The following NHS variants were observed in gnomAD, a reference collection of about 807,000 sequenced individuals.
The protein encoded by NHS is NHS actin remodeling regulator.
NHS carries 5 observed loss-of-function variants against 72.5 expected under a neutral mutation model. That is an observed-to-expected ratio of 0.07 (90% CI 0.04 to 0.14). NHS has a LOEUF of 0.14. NHS is among the 10% of genes least tolerant of loss of function. NHS has a pLI of 1.00. For synonymous variants in NHS, 464 were observed against 547.7 expected, an observed-to-expected ratio of 0.85 and a Z score of 2.13; for missense variants, 1,072 against 1,355.7, an observed-to-expected ratio of 0.79 and a Z score of 3.29.
Position 17,727,307 on chromosome X carries a change from T to C in NHS, c.3201T>C (p.Ser1067=), listed in dbSNP as rs56908561. 6,670 of 1,210,146 alleles carry C rather than the reference T, an allele frequency of 5.5e-3. 198 individuals are homozygous for C. The African/African-American group carries it at 0.092, about 17-fold the overall frequency. Residue 1067 remains serine, a synonymous_variant, in exon 7 of 9, where the codon TCT becomes TCC. Coordinates refer to ENST00000676302, the MANE Select transcript of NHS (RefSeq NM_001291867.2). ...GAAAATCCTCACTACAGCAACCCTC[T>C]TTAAAAGATGGAACTATATCACTGA... ...PERKSSLQQP[S]LKDGTISLSK... is the part of the protein sequence containing the mutation.
intron 1 of NHS, among the ~76,000 whole-genome samples, chrX:17,511,753 CCTTGGATCTTACCA>C (rs2065089337): frequency 9.0e-6 from 1 of 111,556 alleles, no homozygotes; most frequent in Admixed American, 9.5e-5. Flanking sequence ...GACTCGTATC[CCTTGGATCTTACCA>C]CTTCAGTGTG....
At chrX:17,667,717 G>A (rs1472447963) in intron 1 of NHS, among the ~76,000 whole-genome samples, 2 of 111,392 alleles carry the variant, frequency 1.8e-5, no homozygotes, top group Non-Finnish European at 3.8e-5. Context: ...TTGGCCTAAG[G>A]CGAGTTCTCA....
intron 1 of NHS, among the ~76,000 whole-genome samples, chrX:17,477,286 A>G (rs2064924310): frequency 8.9e-6 from 1 of 111,749 alleles, no homozygotes; most frequent in Non-Finnish European, 1.9e-5. Flanking sequence ...AGTCATGTGG[A>G]TATCTGAAGA....
At chrX:17,552,713 A>G (rs2065342925) in intron 1 of NHS, among the ~76,000 whole-genome samples, 1 of 112,055 alleles carries the variant, frequency 8.9e-6, no homozygotes, top group Non-Finnish European at 1.9e-5. Flanking sequence ...AAGAATCGGA[A>G]GGCAGAGCGA....
chrX:17,615,172 C>CGTATATATGT (rs1284390684), intron 1 of NHS, among the ~76,000 whole-genome samples: 8 of 39,116 alleles, frequency 2.0e-4, no homozygotes, highest in Non-Finnish European at 3.8e-4. Context: ...TATATATATA[C>CGTATATATGT]GTATATATAT....
At chrX:17,455,683 C>A (rs1019215077) in intron 1 of NHS, among the ~76,000 whole-genome samples, 2 of 111,973 alleles carry the variant, frequency 1.8e-5, no homozygotes, top group Admixed American at 9.4e-5. Context: ...AGAATAAATA[C>A]CAGAGGATGG....
chrX:17,579,626 C>T (rs1160939772), intron 1 of NHS, among the ~76,000 whole-genome samples: 1 of 111,439 alleles, frequency 9.0e-6, no homozygotes, highest in Non-Finnish European at 1.9e-5. Flanking sequence ...CCCCTCTTTA[C>T]GCAGGCATAG....
At chrX:17,692,233 CTTT>C (rs11347866) in intron 2 of NHS, 99 bp from the exon 3 acceptor site, 330 of 887,142 alleles carry the variant, frequency 3.7e-4, no homozygotes, top group Admixed American at 2.5e-3. Context: ...TGAAAACTCA[CTTT>C]TTTTTTTTTT....
At chrX:17,402,297 CACTCCTAAATATAT>C (rs2064506451) in intron 1 of NHS, among the ~76,000 whole-genome samples, 1 of 111,921 alleles carries the variant, frequency 8.9e-6, no homozygotes, top group African/African-American at 3.2e-5. Flanking sequence ...TCAACAAATT[CACTCCTAAATATAT>C]ATACAAGAGA....
chrX:17,383,535 T>C (rs1053523229), intron 1 of NHS, among the ~76,000 whole-genome samples: 2 of 111,880 alleles, frequency 1.8e-5, no homozygotes, highest in Non-Finnish European at 3.8e-5. Context: ...CTTACAATCA[T>C]GGCAAAAGGA....
chrX:17,546,396 T>C (rs777281932), intron 1 of NHS, among the ~76,000 whole-genome samples: 1 of 112,038 alleles, frequency 8.9e-6, no homozygotes, highest in African/African-American at 3.2e-5. Flanking sequence ...AAAAAGTGGG[T>C]TTGAAACTGA....
chrX:17,537,591 C>T (rs754820516), intron 1 of NHS, among the ~76,000 whole-genome samples: 4 of 112,232 alleles, frequency 3.6e-5, no homozygotes, highest in African/African-American at 1.3e-4. Flanking sequence ...ATCAGGTCCC[C>T]CCAAAATGGA....
At chrX:17,491,367 A>G (rs1004329784) in intron 1 of NHS, among the ~76,000 whole-genome samples, 2 of 111,893 alleles carry the variant, frequency 1.8e-5, no homozygotes, top group Non-Finnish European at 3.8e-5. Flanking sequence ...GTCTGCATCT[A>G]TTGAGATAAT....
At chrX:17,622,125 C>G (rs2065777125) in intron 1 of NHS, among the ~76,000 whole-genome samples, 1 of 111,841 alleles carries the variant, frequency 8.9e-6, no homozygotes, top group African/African-American at 3.3e-5. Flanking sequence ...GGTTTCAAAC[C>G]TTGACCATTT....
At chrX:17,389,758 C>T (rs7887422) in intron 1 of NHS, among the ~76,000 whole-genome samples, 1 of 109,487 alleles carries the variant, frequency 9.1e-6, no homozygotes, top group Non-Finnish European at 1.9e-5. Context: ...CCTGCCACCA[C>T]GCCCAGCTCA....
In NHS at chrX:17,387,445, C is replaced by T. The variant is rs1252627075; in HGVS notation, c.565+11123C>T. On this transcript the variant is annotated intron_variant, in intron 1 of 8. Coordinates refer to ENST00000676302, the MANE Select transcript of NHS (RefSeq NM_001291867.2). ...CATGTTGGTCACAGAATAACTGTAA[C>T]GTTGGACTACAAGGGGACTCTATGG... Among the ~76,000 whole-genome samples the T allele has an allele frequency of 9.0e-5, 10 of 111,636 alleles. No individual in the cohort carries two copies. The East Asian group carries it at 1.4e-3, about 16-fold the overall frequency.
At position 17,732,253 on chromosome X, in the gene NHS, G is replaced by A. The variant is rs375884404; in HGVS notation, c.4745G>A (p.Arg1582Gln). 3.3e-6 allele frequency: 4 copies of A among 1,210,400 alleles called. No individual in the cohort carries two copies. Among genetic ancestry groups the A allele is most frequent in the African/African-American group, 3.5e-5 (2 of 57,253 alleles). The change falls in exon 9 of 9, where the codon CGA (arginine) becomes CAA (glutamine). Residue 1582 changes from arginine (R) to glutamine (Q), a missense_variant. Physicochemically the swap from Arg to Gln is conservative, Grantham distance 43. Transcript: ENST00000676302. ...ALSPLSPCSP[R>Q]VNAEGFSSKS... ...TCCCCACTCTCTCCATGCTCCCCAC[G>A]AGTTAATGCAGAAGGCTTTTCCTCG...
intron 1 of NHS, among the ~76,000 whole-genome samples, chrX:17,404,616 ATC>A (rs2064519113): frequency 1.8e-5 from 2 of 110,588 alleles, no homozygotes; most frequent in African/African-American, 6.6e-5. Flanking sequence ...CTCCAGCCTA[ATC>A]TCTCCTTCTG....
chrX:17,495,586 A>G (rs1316040058), intron 1 of NHS, among the ~76,000 whole-genome samples: 1 of 111,983 alleles, frequency 8.9e-6, no homozygotes, highest in Non-Finnish European at 1.9e-5. Context: ...GGAAGGTTGT[A>G]TAAATGTCCA....
Sources: allele counts gnomAD v4.1 joint callset (sites outside exome capture counted in the v4.1 genomes callset), GRCh38; gene constraint gnomAD v4.1.1; transcripts MANE v1.5; gene names NCBI Gene and HGNC (gene_info 2026-07-23, HGNC 2026-07-21).